The following RANBP2 variants were observed in gnomAD, a reference collection of about 807,000 sequenced individuals.
RANBP2 encodes the protein RAN binding protein 2, also known as E3 SUMO-protein ligase RanBP2.
RANBP2 carries 57 observed loss-of-function variants against 303.6 expected under a neutral mutation model. That is an observed-to-expected ratio of 0.19 (90% confidence interval 0.15 to 0.23). The LOEUF is 0.23. Among genes scored for constraint, RANBP2 ranks in the 10% least tolerant of loss-of-function variants. The pLI is 1.00. For missense variants in RANBP2, 3,138 were observed against 3,780.8 expected (o/e 0.83, Z 4.46); for synonymous variants, 1,167 against 1,301.5 (o/e 0.90, Z 2.23).
chr2:108,867,838 A>G, the RANBP2 span, among the ~76,000 whole-genome samples: 10 of 152,230 alleles, frequency 6.6e-5, no homozygotes, highest in African/African-American at 7.2e-5. Flanking sequence ...ACTGGAATAA[A>G]AGCCTTACTA....
the RANBP2 span, among the ~76,000 whole-genome samples, chr2:109,410,440 G>A: frequency 4.8e-3 from 729 of 152,360 alleles, 6 homozygotes; most frequent in African/African-American, 0.017. Flanking sequence ...TGCACCCAGG[G>A]GGCAGCATCA....
At chr2:109,216,960 C>T in the RANBP2 span, among the ~76,000 whole-genome samples, 2 of 152,200 alleles carry the variant, frequency 1.3e-5, no homozygotes, top group Non-Finnish European at 2.9e-5. Context: ...CCTCCACCCT[C>T]CAGGCCCTGG....
chr2:109,105,718 C>G, the RANBP2 span, among the ~76,000 whole-genome samples: 3 of 151,790 alleles, frequency 2.0e-5, no homozygotes, highest in African/African-American at 7.3e-5. Flanking sequence ...CCACGCCCAG[C>G]TAATTTTTTT....
chr2:109,006,829 A>G, the RANBP2 span, among the ~76,000 whole-genome samples: 2 of 152,238 alleles, frequency 1.3e-5, no homozygotes, highest in Non-Finnish European at 2.9e-5. Context: ...TAGGGCAGCT[A>G]TTGCAATTAT....
chr2:108,829,122 C>A, the RANBP2 span, among the ~76,000 whole-genome samples: 2 of 151,968 alleles, frequency 1.3e-5, no homozygotes, highest in Non-Finnish European at 2.9e-5. Flanking sequence ...AAAGCACAAG[C>A]AATAAAAGCA....
At chr2:109,624,091 G>GGAGCA in the RANBP2 span, among the ~76,000 whole-genome samples, 1 of 152,178 alleles carries the variant, frequency 6.6e-6, no homozygotes, top group South Asian at 2.1e-4. Flanking sequence ...AGAGGCCAAG[G>GGAGCA]GAGCATGGAG....
chr2:109,268,119 G>A, the RANBP2 span, among the ~76,000 whole-genome samples: 2 of 151,988 alleles, frequency 1.3e-5, no homozygotes, highest in African/African-American at 2.4e-5. Flanking sequence ...GGGGCTGGGT[G>A]GCTCCACTCA....
the RANBP2 span, among the ~76,000 whole-genome samples, chr2:108,955,805 C>T: frequency 6.6e-6 from 1 of 152,026 alleles, no homozygotes; most frequent in Non-Finnish European, 1.5e-5. Context: ...GGCGGGCAGA[C>T]CACAAGGTCA....
the RANBP2 span, among the ~76,000 whole-genome samples, chr2:109,407,697 C>A: frequency 0.38 from 58,278 of 152,032 alleles, 12,002 homozygotes; most frequent in Middle Eastern, 0.48. Flanking sequence ...AATTTAATTA[C>A]ATGCCTTATA....
the RANBP2 span, among the ~76,000 whole-genome samples, chr2:109,657,714 GTTTTTTT>G: frequency 1.2e-5 from 1 of 82,230 alleles, no homozygotes; most frequent in South Asian, 4.9e-4. Flanking sequence ...AATTAGCTGA[GTTTTTTT>G]TTTTTTTTTT....
chr2:109,557,687 TGGTAA>T, the RANBP2 span, among the ~76,000 whole-genome samples: 1 of 152,166 alleles, frequency 6.6e-6, no homozygotes, highest in Non-Finnish European at 1.5e-5. Flanking sequence ...TTTCAAAAGG[TGGTAA>T]AGAAAGTCAG....
the RANBP2 span, among the ~76,000 whole-genome samples, chr2:108,949,761 CAAAGAG>C: frequency 6.6e-6 from 1 of 152,096 alleles, no homozygotes; most frequent in African/African-American, 2.4e-5. Flanking sequence ...TCTCAAACTC[CAAAGAG>C]AAAGAGTGAC....
the RANBP2 span, among the ~76,000 whole-genome samples, chr2:109,160,554 C>A: frequency 1.3e-5 from 2 of 152,204 alleles, no homozygotes; most frequent in African/African-American, 2.4e-5. Flanking sequence ...CTGGCTTAAT[C>A]TCATCTGATT....
chr2:109,244,196 A>G, the RANBP2 span, among the ~76,000 whole-genome samples: 2 of 152,200 alleles, frequency 1.3e-5, no homozygotes, highest in African/African-American at 4.8e-5. Context: ...CTGCAAAACA[A>G]TGGATTCTAA....
At chr2:109,627,436 A>T in the RANBP2 span, among the ~76,000 whole-genome samples, 2 of 152,204 alleles carry the variant, frequency 1.3e-5, no homozygotes, top group Non-Finnish European at 1.5e-5. Flanking sequence ...AGCTCAGGTG[A>T]TCCACTCACC....
the RANBP2 span, chr2:109,129,294 A>T: frequency 1.4e-6 from 1 of 693,400 alleles, no homozygotes; most frequent in Non-Finnish European, 2.4e-6. Flanking sequence ...CCGCAGCCGC[A>T]GGCGCTGCGC....
the RANBP2 span, among the ~76,000 whole-genome samples, chr2:109,628,715 G>A: frequency 7.9e-5 from 12 of 151,832 alleles, no homozygotes; most frequent in East Asian, 2.1e-3. Context: ...ACCTGTCCAC[G>A]TTGTGCTTCA....
At chr2:109,501,423 C>T in the RANBP2 span, 1 of 645,162 alleles carries the variant, frequency 1.5e-6, no homozygotes, top group Non-Finnish European at 2.9e-6. Context: ...CAATAATTTA[C>T]ACCGAGGGAA....
the RANBP2 span, among the ~76,000 whole-genome samples, chr2:109,167,850 C>T: frequency 6.6e-6 from 1 of 152,222 alleles, no homozygotes; most frequent in African/African-American, 2.4e-5. Context: ...GGATTACAGG[C>T]GTGAGCCACT....
Sources: gnomAD v4.1 joint callset for allele counts (sites outside exome capture counted in the v4.1 genomes callset) on GRCh38, gnomAD v4.1.1 for gene constraint, MANE v1.5 for transcripts, NCBI Gene and HGNC (gene_info 2026-07-23, HGNC 2026-07-21) for gene names.